EEF1AKMT1: variants seen among roughly 807,000 people sequenced by gnomAD.
EEF1AKMT1 encodes the protein EEF1A lysine methyltransferase 1.
In EEF1AKMT1, 18 loss-of-function variants were observed where a neutral mutation model predicts 21.0. That is an observed-to-expected ratio of 0.86 (90% CI 0.59 to 1.27). EEF1AKMT1 has a LOEUF of 1.27. Among genes scored for constraint, EEF1AKMT1 ranks in the 50% most tolerant of loss-of-function variants. The probability of loss-of-function intolerance (pLI) is 0.00; values close to 1 mark genes in which losing one functional copy is unlikely to be tolerated. For synonymous variants in EEF1AKMT1, 109 were observed against 94.8 expected, an observed-to-expected ratio of 1.15 and a Z score of -0.87; for missense variants, 246 against 258.6, an observed-to-expected ratio of 0.95 and a Z score of 0.33.
chr13:20,731,433 C>G (rs1458280157), intron 4 of EEF1AKMT1, among the ~76,000 whole-genome samples: 1 of 152,172 alleles, frequency 6.6e-6, no homozygotes, highest in African/African-American at 2.4e-5. Context: ...AACGATCTCG[C>G]CAGTAAGAAA....
intron 2 of EEF1AKMT1, among the ~76,000 whole-genome samples, chr13:20,750,597 C>T (rs530060283): frequency 1.8e-4 from 27 of 152,262 alleles, no homozygotes; most frequent in African/African-American, 6.0e-4. Context: ...AATTTATTGA[C>T]GGACAGGTTG....
intron 2 of EEF1AKMT1, among the ~76,000 whole-genome samples, chr13:20,739,226 A>C (rs1406938325): frequency 6.6e-6 from 1 of 152,042 alleles, no homozygotes; most frequent in Non-Finnish European, 1.5e-5. Flanking sequence ...GAAGCTGGAG[A>C]CCTTCACGGT....
In EEF1AKMT1 at chr13:20,729,255, C is replaced by A. The variant is rs369021061; in HGVS notation, c.509-39G>T. On this transcript the variant is annotated intron_variant, in intron 4 of 4. Transcript: ENST00000382758. ...AGCAAATGAATCCAGAGAGTGACAA[C>A]CCAGCCGGAGCTCAGTGCGTCCTGA... 7 of 1,612,666 alleles carry A rather than the reference C, an allele frequency of 4.3e-6. No individual in the cohort carries two copies. In the African/African-American group the frequency reaches 8.0e-5, roughly 18 times the overall value.
intron 3 of EEF1AKMT1, among the ~76,000 whole-genome samples, chr13:20,733,725 G>T (rs1002946171): frequency 3.3e-5 from 5 of 152,214 alleles, no homozygotes; most frequent in African/African-American, 1.2e-4. Context: ...TCATGGGAGA[G>T]TGCCTGGGGG....
At chr13:20,746,831 A>C (rs2058907932) in intron 2 of EEF1AKMT1, among the ~76,000 whole-genome samples, 1 of 152,252 alleles carries the variant, frequency 6.6e-6, no homozygotes, top group Admixed American at 6.5e-5. Flanking sequence ...GAGCATTGTG[A>C]TGTGATTGTA....
rs556910881 is a variant in EEF1AKMT1, at chr13:20,736,548, G to C, written c.227+1175C>G. 2.0e-5 allele frequency among the ~76,000 whole-genome samples: 3 copies of C among 152,046 alleles called. No individual in the cohort carries two copies. In the South Asian group the frequency reaches 6.2e-4, roughly 32 times the overall value. ...GATGAAGGGCGATACCAAGAAAAGAGGTGTCGTAAAACCAGCGCAAGACCA... is the reference window on the plus strand; with the variant it reads ...GATGAAGGGCGATACCAAGAAAAGACGTGTCGTAAAACCAGCGCAAGACCA... On this transcript the variant is annotated intron_variant, in intron 3 of 4. Transcript: ENST00000382758.
At chr13:20,761,350 T>C (rs2059000867) in intron 1 of EEF1AKMT1, among the ~76,000 whole-genome samples, 1 of 152,236 alleles carries the variant, frequency 6.6e-6, no homozygotes, top group Non-Finnish European at 1.5e-5. Flanking sequence ...CTTGAGATTG[T>C]CATTTTCACT....
At chr13:20,749,589 G>C (rs1180700329) in intron 2 of EEF1AKMT1, among the ~76,000 whole-genome samples, 1 of 152,090 alleles carries the variant, frequency 6.6e-6, no homozygotes, top group East Asian at 1.9e-4. Context: ...TAGAATTCTA[G>C]GCTACAGTTG....
At chr13:20,766,852 C>T (rs2059036381) in intron 1 of EEF1AKMT1, among the ~76,000 whole-genome samples, 1 of 151,702 alleles carries the variant, frequency 6.6e-6, no homozygotes, top group African/African-American at 2.4e-5. Flanking sequence ...AAGAAAAAAA[C>T]AGAAGCTTAG....
intron 1 of EEF1AKMT1, among the ~76,000 whole-genome samples, chr13:20,767,035 G>A (rs1480899270): frequency 1.3e-5 from 2 of 152,006 alleles, no homozygotes; most frequent in Admixed American, 6.5e-5. Context: ...GGCCAGGCGC[G>A]GTGACTCACA....
intron 2 of EEF1AKMT1, among the ~76,000 whole-genome samples, chr13:20,752,989 G>A (rs2058950962): frequency 6.6e-6 from 1 of 151,738 alleles, no homozygotes; most frequent in East Asian, 1.9e-4. Context: ...TTTGGGACTG[G>A]TTTGTTCTTG....
intron 2 of EEF1AKMT1, among the ~76,000 whole-genome samples, chr13:20,740,118 A>T (rs994279902): frequency 6.6e-6 from 1 of 152,244 alleles, no homozygotes; most frequent in African/African-American, 2.4e-5. Flanking sequence ...AGCACAGCGC[A>T]GGTGGGCCGG....
chr13:20,739,252 T>C (rs1041933614), intron 2 of EEF1AKMT1, among the ~76,000 whole-genome samples: 5 of 152,232 alleles, frequency 3.3e-5, no homozygotes, highest in African/African-American at 1.2e-4. Flanking sequence ...TTACAGCTCA[T>C]AAAGGCAACG....
At chr13:20,748,715 G>GGTTTTTTTTTTTTTTTTTTTT (rs1555326495) in intron 2 of EEF1AKMT1, among the ~76,000 whole-genome samples, 4 of 105,846 alleles carry the variant, frequency 3.8e-5, no homozygotes, top group South Asian at 3.0e-4. Context: ...ATGTATAGTT[G>GGTTTTTTTTTTTTTTTTTTTT]TTTTTTTTTG....
chr13:20,757,572 T>C lies in EEF1AKMT1; in HGVS notation c.27A>G (p.Thr9=), dbSNP rs773395078. MSDLEDDE[T]PQLSAHALAA... Reference sequence around the variant, plus strand: ...CTAAGGCATGGGCAGAAAGCTGGGGTGTCTCATCATCTTCCAAATCACTCA... The same window carrying C: ...CTAAGGCATGGGCAGAAAGCTGGGGCGTCTCATCATCTTCCAAATCACTCA... Residue 9 remains threonine, a synonymous_variant, in exon 2 of 5, where the codon ACA becomes ACG. Transcript: ENST00000382758. The C allele has an allele frequency of 1.2e-6, 2 of 1,613,900 alleles. No homozygotes were observed. Among genetic ancestry groups the C allele is most frequent in the Admixed American group, 3.3e-5 (2 of 60,020 alleles).
intron 1 of EEF1AKMT1, among the ~76,000 whole-genome samples, chr13:20,767,096 G>A (rs2059038486): frequency 6.6e-6 from 1 of 151,920 alleles, no homozygotes; most frequent in African/African-American, 2.4e-5. Context: ...CACGAGGTCA[G>A]GAGATCGAGA....
In EEF1AKMT1 at chr13:20,748,725, GGTTTTTTTT is replaced by G. The variant is rs1438434627; in HGVS notation, c.144+8721_144+8729del. Among the ~76,000 whole-genome samples the G allele has an allele frequency of 2.9e-5, 2 of 68,642 alleles. 1 individual carries two copies. The highest frequency in any genetic ancestry group is 1.1e-4 in the African/African-American group (2 of 17,884). The allele number at this position is 68,642 out of a possible 152,430, so 45.0% of individuals were successfully genotyped here. On this transcript the variant is annotated intron_variant, in intron 2 of 4. Coordinates refer to ENST00000382758, the MANE Select transcript of EEF1AKMT1 (RefSeq NM_001318939.2). ...TCCTAATGTATAGTTGTTTTTTTTT[GGTTTTTTTT>G]TTTTTTTTTTTTTGAGACAGAGTCT...
Position 20,731,556 on chromosome 13 carries a change from C to T in EEF1AKMT1, c.508+285G>A, listed in dbSNP as rs949651423. ...AAAGGGTAGAGGCTGGATAAGATAC[C>T]GATAGTATTGATGATGGTATGTAAA... On this transcript the variant is annotated intron_variant, in intron 4 of 4. Coordinates refer to ENST00000382758, the MANE Select transcript of EEF1AKMT1 (RefSeq NM_001318939.2). Among the ~76,000 whole-genome samples the T allele has an allele frequency of 8.8e-4, 134 of 152,232 alleles. 1 individual carries two copies. Among genetic ancestry groups the T allele is most frequent in the African/African-American group, 3.2e-3 (131 of 41,530 alleles).
At chr13:20,769,281 A>G (rs745680913) in intron 1 of EEF1AKMT1, 2 of 152,252 alleles carry the variant, frequency 1.3e-5, no homozygotes, top group Non-Finnish European at 2.9e-5. Flanking sequence ...CCTTGCATAA[A>G]ACTTACAGGA....
Sources: allele counts gnomAD v4.1 joint callset (sites outside exome capture counted in the v4.1 genomes callset), GRCh38; gene constraint gnomAD v4.1.1; transcripts MANE v1.5; gene names NCBI Gene and HGNC (gene_info 2026-07-23, HGNC 2026-07-21).